The following MYO19 variants were observed in gnomAD, a reference collection of about 807,000 sequenced individuals.
MYO19 encodes the protein unconventional myosin-XIX.
In MYO19, 132 loss-of-function variants were observed where a neutral mutation model predicts 129.2. The observed-to-expected ratio is 1.02, with a 90% CI of 0.89 to 1.18. The LOEUF is 1.18. MYO19 is among the 50% of genes most tolerant of loss of function. MYO19 has a pLI of 0.00. For missense variants in MYO19, 1,210 were observed against 1,216.7 expected (o/e 0.99, Z 0.08); for synonymous variants, 531 against 477.2 (o/e 1.11, Z -1.47).
At chr17:36,501,494 G>T in intron 21 of MYO19, 1 of 375,056 alleles carries the variant, frequency 2.7e-6, no homozygotes, top group African/African-American at 2.0e-5. Context: ...AGCCTCTACT[G>T]CCATGAGTCC....
intron 3 of MYO19, among the ~76,000 whole-genome samples, chr17:36,531,394 C>CAAAA (rs587678549): frequency 3.5e-5 from 2 of 56,760 alleles, no homozygotes; most frequent in African/African-American, 5.2e-5. Context: ...GACTCCATCT[C>CAAAA]AAAAAAAAAA....
At chr17:36,517,758 T>C (rs1220301906) in intron 6 of MYO19, among the ~76,000 whole-genome samples, 1 of 152,128 alleles carries the variant, frequency 6.6e-6, no homozygotes, top group Admixed American at 6.5e-5. Context: ...TGTGACTGCA[T>C]TTGGAGAAGG....
In MYO19 at chr17:36,515,196, C is replaced by T; in HGVS notation, c.548-14G>A. 6.2e-7 allele frequency: 1 copy of T among 1,610,224 alleles called. No individual in the cohort carries two copies. Among genetic ancestry groups the T allele is most frequent in the South Asian group, 1.1e-5 (1 of 90,188 alleles). ...TACACGCATTCCCTACAGATCACAC[C>T]TATGTTTATTTCACTCCCCTGGGTT... On this transcript the variant is annotated splice_polypyrimidine_tract_variant and intron_variant, in intron 7 of 25. Transcript: ENST00000614623.
rs2072603988 is a variant in MYO19 at position 36,514,514 on chromosome 17, A to G, written c.652T>C (p.Tyr218His). 1 of 1,613,464 alleles carries G rather than the reference A, an allele frequency of 6.2e-7. No homozygotes were observed. The highest frequency in any genetic ancestry group is 8.5e-7 in the Non-Finnish European group (1 of 1,179,442). The change falls in exon 9 of 26, where the codon TAC becomes CAC. Residue 218 changes from tyrosine to histidine, a missense_variant. Physicochemically the swap from Tyr to His is moderately conservative, Grantham distance 83 (BLOSUM62 2). Transcript: ENST00000614623. ...GCCACTCGAGTTTTCTCTAGGAGGT[A>G]GGTCTGGACTGCGGCTCCAGTCATT... ...QQMTGAAVQT[Y>H]LLEKTRVACQ...
chr17:36,523,026 A>AC (rs1487570591), intron 6 of MYO19, among the ~76,000 whole-genome samples: 16 of 128,960 alleles, frequency 1.2e-4, no homozygotes, highest in Admixed American at 6.6e-4. Flanking sequence ...ACAAAAAACA[A>AC]AAAAAAAAAA....
chr17:36,498,908 G>A lies in MYO19; in HGVS notation c.2463+167C>T, dbSNP rs1264673312. On this transcript the variant is annotated intron_variant, in intron 24 of 25. Coordinates refer to ENST00000614623, the MANE Select transcript of MYO19 (RefSeq NM_001163735.2). ...ACCTACATAACCACCCTGCAGGGTA[G>A]GTGTTACTGTGCCCACTGCATACAT... The A allele has an allele frequency of 2.3e-5, 14 of 612,508 alleles. 1 individual carries two copies. Among genetic ancestry groups the A allele is most frequent in the Non-Finnish European group, 4.1e-5 (14 of 343,950 alleles). The allele number at this position is 612,508 out of a possible 1,614,324, so 37.9% of individuals were successfully genotyped here. A position where few individuals can be genotyped will look rare whatever the true frequency, so the allele number is the denominator to read the frequency against.
At chr17:36,501,282 C>T (rs774179797) in intron 21 of MYO19, 47 bp from the exon 22 acceptor site, 3 of 1,557,642 alleles carry the variant, frequency 1.9e-6, no homozygotes, top group South Asian at 2.4e-5. Context: ...TCTCTACATG[C>T]CTCTGTGGCC....
upstream of MYO19, chr17:36,538,234 T>A: frequency 1.2e-6 from 2 of 1,613,218 alleles, no homozygotes; most frequent in Non-Finnish European, 1.7e-6. Flanking sequence ...ATTTGGATAG[T>A]TGCTTCTAGC....
At chr17:36,506,823 T>C (rs2071927369) in intron 17 of MYO19, 140 bp downstream of exon 17, 2 of 1,186,400 alleles carry the variant, frequency 1.7e-6, no homozygotes, top group Non-Finnish European at 1.1e-6. Flanking sequence ...CTCAGACAGG[T>C]GGGCCCAAGA....
intron 11 of MYO19, chr17:36,512,605 G>A (rs1224099100): frequency 5.5e-6 from 7 of 1,281,852 alleles, no homozygotes; most frequent in Non-Finnish European, 7.1e-6. Flanking sequence ...TCCCAGTGTT[G>A]TCCACTTATC....
At chr17:36,512,766 C>A (rs970430802) in intron 11 of MYO19, 2 of 1,288,628 alleles carry the variant, frequency 1.6e-6, no homozygotes, top group Non-Finnish European at 1.0e-6. Context: ...TCCTATCTAT[C>A]CCCTCCTGCT....
At chr17:36,528,576 C>G (rs570154062) in intron 3 of MYO19, among the ~76,000 whole-genome samples, 1 of 151,768 alleles carries the variant, frequency 6.6e-6, no homozygotes, top group South Asian at 2.1e-4. Flanking sequence ...CTGGCAGCTA[C>G]AGAAGGGTGG....
rs373376831 is a variant in MYO19, at chr17:36,509,194, A to G, written c.1158-59T>C. The stretch of plus-strand genomic sequence containing the variant: ...GGTCTGGCTGAGTCAAAGGGGTGGT[A>G]AAATTGCTCCCCCCATCAGGGTGCT... On this transcript the variant is annotated intron_variant, in intron 13 of 25. Transcript: ENST00000614623. 9.2e-5 allele frequency: 140 copies of G among 1,515,958 alleles called. 1 individual carries two copies. The South Asian group carries it at 1.3e-3, about 14-fold the overall frequency. The allele number at this position is 1,515,958 out of a possible 1,614,324, so 93.9% of individuals were successfully genotyped here.
chr17:36,504,998 C>T (rs2071780541), intron 19 of MYO19: 11 of 552,176 alleles, frequency 2.0e-5, no homozygotes, highest in South Asian at 1.7e-4. Context: ...TGTAGACTTT[C>T]AGCTAATCAC....
At chr17:36,516,919 G>A (rs543559582) in intron 6 of MYO19, among the ~76,000 whole-genome samples, 15 of 152,154 alleles carry the variant, frequency 9.9e-5, no homozygotes, top group Admixed American at 2.6e-4. Flanking sequence ...ACTTTATGTA[G>A]AACTGGTAAC....
chr17:36,505,190 A>G (rs1306670694), intron 19 of MYO19, 107 bp downstream of exon 19: 1 of 1,009,164 alleles, frequency 9.9e-7, no homozygotes. Context: ...GGCCGGAGAG[A>G]CCACTTCTGT....
chr17:36,512,845 C>T, intron 11 of MYO19: 1 of 1,228,196 alleles, frequency 8.1e-7, no homozygotes, highest in Non-Finnish European at 1.0e-6. Flanking sequence ...GGAGGCCCCC[C>T]TAGTGTGACT....
chr17:36,504,150 TG>T (rs2071721131), intron 19 of MYO19, 130 bp from the exon 20 acceptor site: 5 of 624,118 alleles, frequency 8.0e-6, no homozygotes, highest in Non-Finnish European at 1.1e-5. Context: ...GCTTGGCTAA[TG>T]GGGGTATCTC....
At chr17:36,537,070 A>G (rs560726310), upstream of MYO19, 2 of 1,536,316 alleles carry the variant, frequency 1.3e-6, no homozygotes, top group African/African-American at 1.4e-5. Context: ...TCACAAATCC[A>G]TTCCTTTGCT....
Sources: allele counts gnomAD v4.1 joint callset (sites outside exome capture counted in the v4.1 genomes callset), GRCh38; gene constraint gnomAD v4.1.1; transcripts MANE v1.5; gene names NCBI Gene and HGNC (gene_info 2026-07-23, HGNC 2026-07-21).